PIK3C2G: variants seen among roughly 807,000 people sequenced by gnomAD.
PIK3C2G encodes phosphatidylinositol 3-kinase C2 domain-containing subunit gamma.
Under a neutral mutation model 181.1 loss-of-function variants are expected in PIK3C2G, and 168 were observed. The ratio of observed to expected loss-of-function variants is 0.93; its 90% CI spans 0.82 to 1.05. The LOEUF is 1.05. PIK3C2G is among the 50% of genes least tolerant of loss of function. The pLI, the probability that PIK3C2G is intolerant of heterozygous loss-of-function variation, is 0.00. For missense variants in PIK3C2G, 1,869 were observed against 1,732.8 expected (o/e 1.08, Z -1.40); for synonymous variants, 573 against 592.2 (o/e 0.97, Z 0.47).
intron 24 of PIK3C2G, among the ~76,000 whole-genome samples, chr12:18,525,342 A>C (rs551049261): frequency 6.6e-6 from 1 of 152,220 alleles, no homozygotes; most frequent in African/African-American, 2.4e-5. Context: ...CAGTGAACCA[A>C]GATTGCACCA....
chr12:18,651,704 T>A (rs576368202), downstream of PIK3C2G, among the ~76,000 whole-genome samples: 7 of 152,240 alleles, frequency 4.6e-5, no homozygotes, highest in African/African-American at 1.7e-4. Context: ...CTAGATCCAT[T>A]CATCTGAAGT....
At chr12:18,619,137 A>G (rs1161066938) in intron 31 of PIK3C2G, among the ~76,000 whole-genome samples, 1 of 151,652 alleles carries the variant, frequency 6.6e-6, no homozygotes, top group Non-Finnish European at 1.5e-5. Flanking sequence ...CTGAAAACTA[A>G]AAACAATCTA....
At position 18,480,982 on chromosome 12, in the gene PIK3C2G, G is replaced by C. The variant is rs755929147; in HGVS notation, c.2505-7467G>C. Among the ~76,000 whole-genome samples the C allele has an allele frequency of 2.6e-5, 4 of 151,802 alleles. No homozygotes were observed. In the South Asian group the frequency reaches 8.4e-4, roughly 32 times the overall value. On this transcript the variant is annotated intron_variant, in intron 18 of 32. Coordinates refer to ENST00000538779, the MANE Select transcript of PIK3C2G (RefSeq NM_001288772.2). ...GGAGTCTCACTCTGTCTCCAGGCTG[G>C]AGTGCAGTGGCGCAATCTCGGCTCA...
intron 18 of PIK3C2G, among the ~76,000 whole-genome samples, chr12:18,464,010 C>T (rs1234419448): frequency 2.6e-5 from 4 of 152,070 alleles, no homozygotes; most frequent in Middle Eastern, 3.2e-3. Context: ...CATTACACTT[C>T]GCTGTGTACT....
rs149810301 is a variant in PIK3C2G at position 18,506,708 on chromosome 12, G to A, written c.3323+1247G>A. Among the ~76,000 whole-genome samples, 208 of 152,188 alleles carry A rather than the reference G, an allele frequency of 1.4e-3. 4 individuals carry two copies. In the East Asian group the frequency reaches 0.031, roughly 23 times the overall value. On this transcript the variant is annotated intron_variant, in intron 24 of 32. Coordinates refer to ENST00000538779, the MANE Select transcript of PIK3C2G (RefSeq NM_001288772.2). The stretch of plus-strand genomic sequence containing the variant: ...GGTTTTGTTTCATTTTCTTTAAGCC[G>A]AAAGTAAGGAAATCAGAAGTTGAAC...
intron 1 of PIK3C2G, among the ~76,000 whole-genome samples, chr12:18,248,863 C>A (rs913894407): frequency 6.6e-6 from 1 of 152,122 alleles, no homozygotes; most frequent in East Asian, 1.9e-4. Context: ...TTGTTTTACC[C>A]TCTGTACTAC....
At chr12:18,719,095 T>G in the PIK3C2G span, among the ~76,000 whole-genome samples, 1 of 152,208 alleles carries the variant, frequency 6.6e-6, no homozygotes, top group African/African-American at 2.4e-5. Context: ...TAGAGGATCT[T>G]CTGACTAGCT....
chr12:18,664,374 C>A, the PIK3C2G span, among the ~76,000 whole-genome samples: 1 of 152,130 alleles, frequency 6.6e-6, no homozygotes, highest in Admixed American at 6.5e-5. Context: ...ACCCAAATAT[C>A]CATTGATACA....
At chr12:18,620,296 C>G (rs553878583) in intron 31 of PIK3C2G, among the ~76,000 whole-genome samples, 34 of 151,872 alleles carry the variant, frequency 2.2e-4, no homozygotes, top group African/African-American at 8.0e-4. Context: ...AAGATTGTGT[C>G]CTCTTGATTA....
intron 18 of PIK3C2G, among the ~76,000 whole-genome samples, chr12:18,461,247 ATAGT>A (rs1947905968): frequency 6.6e-6 from 1 of 152,274 alleles, no homozygotes; most frequent in Non-Finnish European, 1.5e-5. Context: ...CCAGTACTAT[ATAGT>A]TAGTTAACAT....
At chr12:18,591,479 C>A (rs2136475109) in intron 29 of PIK3C2G, among the ~76,000 whole-genome samples, 1 of 151,678 alleles carries the variant, frequency 6.6e-6, no homozygotes. Context: ...CATGACAAAC[C>A]CTGGGCAAAT....
intron 19 of PIK3C2G, 94 bp from the exon 20 acceptor site, chr12:18,491,357 G>A: frequency 1.5e-6 from 1 of 686,644 alleles, no homozygotes; most frequent in Admixed American, 2.5e-5. Context: ...CTGAATTCAA[G>A]AATTCATTTA....
chr12:18,317,070 G>C (rs543957453), intron 6 of PIK3C2G, among the ~76,000 whole-genome samples: 1 of 145,168 alleles, frequency 6.9e-6, no homozygotes, highest in Non-Finnish European at 1.5e-5. Context: ...CTGGAGTGCA[G>C]TGGCGTGATC....
intron 29 of PIK3C2G, among the ~76,000 whole-genome samples, chr12:18,586,253 C>CA (rs150925858): frequency 0.016 from 2,403 of 151,994 alleles, 66 homozygotes; most frequent in African/African-American, 0.055. Context: ...GATCAAGACA[C>CA]AAAAAACCTC....
rs558641658 is a variant in PIK3C2G at position 18,362,433 on chromosome 12, G to A, written c.1626-331G>A. ...TGCCAGGGAAGAGGCTCTGGTAAGT[G>A]AGTGCCACAAATTTTTCTACCAACT... On this transcript the variant is annotated intron_variant, in intron 11 of 32. Coordinates refer to ENST00000538779, the MANE Select transcript of PIK3C2G (RefSeq NM_001288772.2). 7.6e-4 allele frequency among the ~76,000 whole-genome samples: 116 copies of A among 152,298 alleles called. 1 individual carries two copies. Among genetic ancestry groups the A allele is most frequent in the Admixed American group, 1.4e-3 (22 of 15,306 alleles).
chr12:18,547,708 C>T (rs990620507), intron 26 of PIK3C2G, among the ~76,000 whole-genome samples: 3 of 151,782 alleles, frequency 2.0e-5, no homozygotes, highest in Admixed American at 6.6e-5. Context: ...TTAGAGATCC[C>T]TTAAGGGAGT....
the PIK3C2G span, among the ~76,000 whole-genome samples, chr12:18,690,904 C>T: frequency 1.3e-5 from 2 of 152,200 alleles, no homozygotes; most frequent in African/African-American, 4.8e-5. Flanking sequence ...AGGGCAAGGC[C>T]TGACTAAGAT....
chr12:18,255,252 T>TAAATAAATAAATAAATAAAC (rs1555136296), intron 1 of PIK3C2G, among the ~76,000 whole-genome samples: 60 of 143,730 alleles, frequency 4.2e-4, no homozygotes, highest in East Asian at 1.7e-3. Flanking sequence ...AATAAATAAA[T>TAAATAAATAAATAAATAAAC]AAACAAACAA....
At chr12:18,281,928 A>T (rs1949237064) in intron 1 of PIK3C2G, 76 bp from the exon 2 acceptor site, 3 of 590,034 alleles carry the variant, frequency 5.1e-6, no homozygotes, top group Non-Finnish European at 9.1e-6. Flanking sequence ...AGTTATAGTT[A>T]TTTATCCTAT....
Sources: gnomAD v4.1 joint callset for allele counts (sites outside exome capture counted in the v4.1 genomes callset) on GRCh38, gnomAD v4.1.1 for gene constraint, MANE v1.5 for transcripts, NCBI Gene and HGNC (gene_info 2026-07-23, HGNC 2026-07-21) for gene names.